The following AUH variants were observed in gnomAD, a reference collection of about 807,000 sequenced individuals.
AUH encodes the protein AU RNA binding methylglutaconyl-CoA hydratase.
AUH carries 29 observed loss-of-function variants against 42.3 expected under a neutral mutation model. The observed-to-expected ratio is 0.69, with a 90% CI of 0.51 to 0.93. The LOEUF (loss-of-function observed/expected upper bound fraction) is 0.93, where lower values mean the gene tolerates loss of function less well. Ranked by LOEUF, AUH falls within the 40% of genes least tolerant of loss-of-function variation. AUH has a pLI of 0.00. For missense variants in AUH, 452 were observed against 438.1 expected (o/e 1.03, Z -0.28); for synonymous variants, 174 against 166.4 (o/e 1.05, Z -0.35).
chr9:91,304,949 T>C (rs1198750187), intron 4 of AUH, among the ~76,000 whole-genome samples: 1 of 152,188 alleles, frequency 6.6e-6, no homozygotes, highest in East Asian at 1.9e-4. Flanking sequence ...CAGTTACCCA[T>C]GGTCAACTGC....
At chr9:91,254,247 G>C (rs771193811) in intron 6 of AUH, among the ~76,000 whole-genome samples, 1 of 152,156 alleles carries the variant, frequency 6.6e-6, no homozygotes, top group Non-Finnish European at 1.5e-5. Flanking sequence ...TAAAATAAAG[G>C]TAATGTAAGA....
chr9:91,329,944 A>T (rs1830210808), intron 3 of AUH, among the ~76,000 whole-genome samples: 1 of 152,208 alleles, frequency 6.6e-6, no homozygotes, highest in Non-Finnish European at 1.5e-5. Flanking sequence ...AAGAAAAGAG[A>T]CAAGGGTGTT....
intron 5 of AUH, among the ~76,000 whole-genome samples, chr9:91,296,616 A>G (rs1430800091): frequency 6.6e-6 from 1 of 152,206 alleles, no homozygotes; most frequent in Non-Finnish European, 1.5e-5. Context: ...AAACATCTTA[A>G]TAACTTCTTT....
intron 4 of AUH, among the ~76,000 whole-genome samples, chr9:91,321,712 T>C (rs1279012706): frequency 2.0e-5 from 3 of 152,146 alleles, no homozygotes; most frequent in African/African-American, 7.2e-5. Context: ...CTAAGAATGG[T>C]TTTTACATTT....
intron 6 of AUH, among the ~76,000 whole-genome samples, chr9:91,270,863 T>C (rs992244224): frequency 1.2e-4 from 18 of 152,084 alleles, no homozygotes; most frequent in African/African-American, 2.9e-4. Context: ...ATTTTATGAA[T>C]AGTATGCATA....
chr9:91,225,460 G>A (rs1827388313), intron 6 of AUH, among the ~76,000 whole-genome samples: 1 of 152,154 alleles, frequency 6.6e-6, no homozygotes, highest in Admixed American at 6.5e-5. Context: ...TTTACACCAG[G>A]CTTGCTTCAT....
At chr9:91,215,978 G>C in intron 9 of AUH, 81 bp downstream of exon 9, 1 of 1,435,642 alleles carries the variant, frequency 7.0e-7, no homozygotes. Context: ...ATCTTGCTCA[G>C]TGAAATTCAT....
At chr9:91,239,909 A>C (rs1440403324) in intron 6 of AUH, among the ~76,000 whole-genome samples, 2 of 152,172 alleles carry the variant, frequency 1.3e-5, no homozygotes, top group African/African-American at 4.8e-5. Context: ...ATGGGGAAGG[A>C]AGGCTGGACA....
At chr9:91,356,683 C>T (rs923938153) in intron 1 of AUH, among the ~76,000 whole-genome samples, 2 of 152,294 alleles carry the variant, frequency 1.3e-5, no homozygotes, top group Middle Eastern at 3.4e-3. Context: ...CCCACAAACC[C>T]AGCTGTCACT....
intron 1 of AUH, among the ~76,000 whole-genome samples, chr9:91,358,210 A>G (rs558951952): frequency 1.4e-4 from 21 of 152,346 alleles, no homozygotes; most frequent in Admixed American, 2.6e-4. Flanking sequence ...GGCTTCACCA[A>G]TTGGATGAAA....
chr9:91,351,613 T>G (rs1831992154), intron 3 of AUH, among the ~76,000 whole-genome samples: 1 of 152,168 alleles, frequency 6.6e-6, no homozygotes, highest in African/African-American at 2.4e-5. Flanking sequence ...CTGTGGCCTG[T>G]TAGGAACCGG....
chr9:91,235,332 T>C (rs1033292674), intron 6 of AUH, among the ~76,000 whole-genome samples: 18 of 151,996 alleles, frequency 1.2e-4, no homozygotes, highest in Admixed American at 1.2e-3. Flanking sequence ...GGAATAAGTG[T>C]TGTCTGAAAT....
intron 3 of AUH, among the ~76,000 whole-genome samples, chr9:91,335,874 G>C (rs1435461761): frequency 6.6e-6 from 1 of 152,136 alleles, no homozygotes; most frequent in African/African-American, 2.4e-5. Flanking sequence ...GATGATAGCT[G>C]TCCTCTGAAA....
At chr9:91,313,711 C>CA (rs775229436) in intron 4 of AUH, among the ~76,000 whole-genome samples, 26,041 of 68,488 alleles carry the variant, frequency 0.38, 4,835 homozygotes, top group African/African-American at 0.5. Context: ...GACTCCGTCT[C>CA]AAAAAAAAAA....
At chr9:91,304,131 C>G (rs917282481) in intron 4 of AUH, among the ~76,000 whole-genome samples, 11 of 152,202 alleles carry the variant, frequency 7.2e-5, no homozygotes, top group African/African-American at 2.4e-4. Flanking sequence ...TGGAAAAATT[C>G]TACAAGTTGT....
chr9:91,262,428 T>C (rs1341423048), intron 6 of AUH, among the ~76,000 whole-genome samples: 1 of 152,102 alleles, frequency 6.6e-6, no homozygotes, highest in Admixed American at 6.6e-5. Context: ...CCCTCGCCCC[T>C]CCAACACAGC....
At chr9:91,298,132 A>C in intron 4 of AUH, 56 bp from the exon 5 acceptor site, 1 of 1,382,468 alleles carries the variant, frequency 7.2e-7, no homozygotes, top group South Asian at 1.2e-5. Context: ...CTCACTGTGT[A>C]ATTCATTTTT....
At chr9:91,298,115 T>C in intron 4 of AUH, 39 bp from the exon 5 acceptor site, 1 of 1,459,388 alleles carries the variant, frequency 6.9e-7, no homozygotes, top group Non-Finnish European at 9.6e-7. Context: ...CTTAATAAGA[T>C]TATTATCTCA....
intron 1 of AUH, among the ~76,000 whole-genome samples, chr9:91,357,959 C>G (rs180763786): frequency 6.6e-6 from 1 of 152,248 alleles, no homozygotes. Flanking sequence ...ACATATAAAA[C>G]TGGCGGGGGA....
Sources: allele counts gnomAD v4.1 joint callset (sites outside exome capture counted in the v4.1 genomes callset), GRCh38; gene constraint gnomAD v4.1.1; transcripts MANE v1.5; gene names NCBI Gene and HGNC (gene_info 2026-07-23, HGNC 2026-07-21).